The following ALK variants were observed in gnomAD, a reference collection of about 807,000 sequenced individuals.
ALK encodes the protein ALK receptor tyrosine kinase, also known as ALK tyrosine kinase receptor.
A neutral mutation model predicts 163.1 loss-of-function variants in ALK; 74 were observed. That is an observed-to-expected ratio of 0.45 (90% CI 0.38 to 0.55). ALK has a LOEUF of 0.55. Among genes scored for constraint, ALK ranks in the 20% least tolerant of loss-of-function variants. ALK has a pLI of 0.00. For missense variants in ALK, 2,063 were observed against 2,105.3 expected (o/e 0.98, Z 0.39); for synonymous variants, 960 against 843.2 (o/e 1.14, Z -2.40).
intron 9 of ALK, among the ~76,000 whole-genome samples, chr2:29,281,999 GTGGA>G (rs1275506446): frequency 6.6e-6 from 1 of 152,212 alleles, no homozygotes; most frequent in Admixed American, 6.5e-5. Flanking sequence ...TGTGTCTGAT[GTGGA>G]TGGAGGGAAT....
At chr2:29,384,651 A>AGT (rs56101801) in intron 4 of ALK, among the ~76,000 whole-genome samples, 130,110 of 150,612 alleles carry the variant, frequency 0.86, 56,478 homozygotes, top group South Asian at 0.98. Flanking sequence ...AATGTCTGCG[A>AGT]GTGTGTGTGT....
At chr2:29,531,724 A>G (rs1284374274) in intron 4 of ALK, among the ~76,000 whole-genome samples, 191 bp downstream of exon 4, 1 of 152,180 alleles carries the variant, frequency 6.6e-6, no homozygotes, top group Non-Finnish European at 1.5e-5. Context: ...CTAGCCAGGG[A>G]AGTCAGAGGG....
intron 5 of ALK, among the ~76,000 whole-genome samples, chr2:29,381,506 T>C (rs1174310696): frequency 6.6e-6 from 1 of 152,208 alleles, no homozygotes; most frequent in African/African-American, 2.4e-5. Context: ...TGAACTAAAA[T>C]GGCACGTCTC....
chr2:29,594,138 C>A (rs1675136700), intron 3 of ALK, among the ~76,000 whole-genome samples: 1 of 152,026 alleles, frequency 6.6e-6, no homozygotes, highest in African/African-American at 2.4e-5. Context: ...CCCAAAATGT[C>A]AACAGTAGTA....
chr2:29,368,723 TTC>T (rs1668570657), intron 5 of ALK, among the ~76,000 whole-genome samples: 1 of 152,154 alleles, frequency 6.6e-6, no homozygotes, highest in African/African-American at 2.4e-5. Flanking sequence ...TTTTCTCCCT[TTC>T]TCTCTCTTTT....
intron 1 of ALK, among the ~76,000 whole-genome samples, chr2:29,868,875 A>G (rs1278877301): frequency 1.3e-5 from 2 of 152,092 alleles, no homozygotes; most frequent in African/African-American, 4.8e-5. Context: ...AGGGTAGTAA[A>G]CCTTCTACCT....
chr2:29,483,027 CAT>C (rs1328894873), intron 4 of ALK, among the ~76,000 whole-genome samples: 1 of 152,152 alleles, frequency 6.6e-6, no homozygotes, highest in Non-Finnish European at 1.5e-5. Context: ...GAATGAGCAA[CAT>C]GTGTTCTAGA....
At chr2:29,834,230 T>C (rs1303699853) in intron 1 of ALK, among the ~76,000 whole-genome samples, 1 of 152,190 alleles carries the variant, frequency 6.6e-6, no homozygotes, top group Non-Finnish European at 1.5e-5. Flanking sequence ...AGACTGCTTC[T>C]TTCTGCCTGA....
At chr2:29,321,882 T>C (rs375336660) in intron 6 of ALK, among the ~76,000 whole-genome samples, 1 of 152,362 alleles carries the variant, frequency 6.6e-6, no homozygotes, top group East Asian at 1.9e-4. Flanking sequence ...TACATCAGAC[T>C]GATCTCAGGT....
At chr2:29,503,206 G>C (rs1266611117) in intron 4 of ALK, among the ~76,000 whole-genome samples, 2 of 152,140 alleles carry the variant, frequency 1.3e-5, no homozygotes, top group Non-Finnish European at 2.9e-5. Context: ...GAGATAGATA[G>C]GTAACAAATT....
intron 4 of ALK, among the ~76,000 whole-genome samples, chr2:29,503,538 C>T (rs1207801839): frequency 6.6e-6 from 1 of 152,184 alleles, no homozygotes; most frequent in Non-Finnish European, 1.5e-5. Flanking sequence ...AATGCATGGG[C>T]ACCGTACCAT....
intron 1 of ALK, among the ~76,000 whole-genome samples, chr2:29,844,695 T>G (rs188533436): frequency 3.7e-4 from 56 of 152,246 alleles, no homozygotes; most frequent in Admixed American, 3.1e-3. Flanking sequence ...TTTCTACGAT[T>G]CATGAGCCGA....
At chr2:29,903,564 G>C (rs923084994) in intron 1 of ALK, among the ~76,000 whole-genome samples, 1 of 151,960 alleles carries the variant, frequency 6.6e-6, no homozygotes, top group Admixed American at 6.6e-5. Context: ...TTATCAGTTG[G>C]TCTATCAATC....
intron 11 of ALK, among the ~76,000 whole-genome samples, chr2:29,268,748 A>G (rs78541318): frequency 0.052 from 7,866 of 152,254 alleles, 239 homozygotes; most frequent in Middle Eastern, 0.1. Context: ...CCTAACAGGC[A>G]TGGGCTTAGA....
intron 3 of ALK, among the ~76,000 whole-genome samples, chr2:29,605,866 C>T (rs893362604): frequency 5.3e-5 from 8 of 152,132 alleles, no homozygotes; most frequent in African/African-American, 1.2e-4. Context: ...GGAATGCTGC[C>T]TCCCCACCCC....
Position 29,227,695 on chromosome 2 carries a change from G to T in ALK, c.2816-23C>A. The T allele has an allele frequency of 6.3e-7, 1 of 1,598,034 alleles. No individual in the cohort carries two copies. The highest frequency in any genetic ancestry group is 8.6e-7 in the Non-Finnish European group (1 of 1,166,096). On this transcript the variant is annotated intron_variant, in intron 16 of 28. Transcript: ENST00000389048. This position sits in a 1 kb window ranked among gnomAD's most constrained non-coding sequence, Gnocchi z 4.4. ...CGCCTGAGTAGCAAACCAGAGCAGA[G>T]TTTAACATGGGGGGTGGGTGCCAAA...
intron 1 of ALK, among the ~76,000 whole-genome samples, chr2:29,895,838 T>C (rs533214497): frequency 5.3e-5 from 8 of 152,056 alleles, no homozygotes; most frequent in Non-Finnish European, 8.8e-5. Flanking sequence ...ACCACAGGAG[T>C]GAGATACTGG....
chr2:29,729,284 T>C (rs528464122), intron 1 of ALK, among the ~76,000 whole-genome samples: 9 of 152,196 alleles, frequency 5.9e-5, no homozygotes, highest in African/African-American at 2.2e-4. Context: ...TCTCTCTTTA[T>C]TTTGCTTTAA....
chr2:29,296,783 G>T, intron 9 of ALK, 105 bp downstream of exon 9: 1 of 1,377,176 alleles, frequency 7.3e-7, no homozygotes, highest in South Asian at 1.2e-5. Context: ...GGGCACATCT[G>T]CATGTGTGTC....
Sources: gnomAD v4.1 joint callset for allele counts (sites outside exome capture counted in the v4.1 genomes callset) on GRCh38, gnomAD v4.1.1 for gene constraint, Gnocchi (gnomAD v3.1) non-coding constraint, MANE v1.5 for transcripts, NCBI Gene and HGNC (gene_info 2026-07-23, HGNC 2026-07-21) for gene names.